Variants in MKLN1 observed in about 807,000 individuals in gnomAD.
MKLN1 encodes the protein muskelin 1.
MKLN1 carries 18 observed loss-of-function variants against 99.0 expected under a neutral mutation model. That is an observed-to-expected ratio of 0.18 (90% CI 0.13 to 0.27). The LOEUF is 0.27. Among genes scored for constraint, MKLN1 ranks in the 10% least tolerant of loss-of-function variants. The pLI is 1.00. For missense variants in MKLN1, 621 were observed against 875.9 expected, an observed-to-expected ratio of 0.71 and a Z score of 3.67; for synonymous variants, 288 against 293.2, an observed-to-expected ratio of 0.98 and a Z score of 0.18.
intron 1 of MKLN1, among the ~76,000 whole-genome samples, chr7:131,359,388 T>TTACATTAC (rs1799964605): frequency 2.6e-5 from 4 of 152,216 alleles, no homozygotes; most frequent in African/African-American, 9.6e-5. Flanking sequence ...TTCAACTCTT[T>TTACATTAC]TACATTACTA....
chr7:131,271,817 G>A (rs1474005815), intron 3 of MKLN1, among the ~76,000 whole-genome samples: 1 of 151,856 alleles, frequency 6.6e-6, no homozygotes, highest in Non-Finnish European at 1.5e-5. Flanking sequence ...GCTGAGGCAG[G>A]AGAATCACTT....
intron 1 of MKLN1, among the ~76,000 whole-genome samples, chr7:131,115,714 C>G (rs1480935143): frequency 1.3e-5 from 2 of 152,142 alleles, no homozygotes; most frequent in Admixed American, 1.3e-4. Context: ...AGCCTTATTT[C>G]TCTTCCTCAA....
chr7:131,281,950 G>A (rs1421774057), intron 3 of MKLN1, among the ~76,000 whole-genome samples: 8 of 152,016 alleles, frequency 5.3e-5, no homozygotes, highest in Admixed American at 5.2e-4. Flanking sequence ...TGGGATTACA[G>A]CCACCATGCC....
chr7:131,411,906 C>CAAAAAAAAAAAAAAAAAAAAAAAAAAAA lies in MKLN1; in HGVS notation c.781+527_781+554dup, dbSNP rs34182914. 2.1e-4 allele frequency among the ~76,000 whole-genome samples: 11 copies of CAAAAAAAAAAAAAAAAAAAAAAAAAAAA among 53,106 alleles called. 1 individual carries two copies. Among genetic ancestry groups the CAAAAAAAAAAAAAAAAAAAAAAAAAAAA allele is most frequent in the East Asian group, 1.7e-3 (2 of 1,184 alleles). The allele number at this position is 53,106 out of a possible 152,430, so 34.8% of individuals were successfully genotyped here. A position where few individuals can be genotyped will look rare whatever the true frequency, so the allele number is the denominator to read the frequency against. On this transcript the variant is annotated intron_variant, in intron 7 of 17. Transcript: ENST00000352689. The stretch of plus-strand genomic sequence containing the variant: ...TGGGAGACAGATGGAGATTCCATCT[C>CAAAAAAAAAAAAAAAAAAAAAAAAAAAA]AAAAAAAAAAAAAAAAAAAAAAAAA...
chr7:131,288,503 A>G (rs576245450), intron 3 of MKLN1, among the ~76,000 whole-genome samples: 79 of 152,314 alleles, frequency 5.2e-4, no homozygotes, highest in African/African-American at 1.9e-3. Context: ...CTTGAGTGAT[A>G]GAGATTCCAA....
chr7:131,411,933 A>AAAAAAAAAAAAAAAAAAAAAAAAAAAAC (rs1168170305), intron 7 of MKLN1, among the ~76,000 whole-genome samples: 1 of 144,140 alleles, frequency 6.9e-6, no homozygotes, highest in East Asian at 2.1e-4. Context: ...AAAAAAAAAA[A>AAAAAAAAAAAAAAAAAAAAAAAAAAAAC]AAAATTAGCC....
At chr7:131,225,518 G>A (rs1452655245) in intron 3 of MKLN1, among the ~76,000 whole-genome samples, 1 of 152,166 alleles carries the variant, frequency 6.6e-6, no homozygotes, top group East Asian at 1.9e-4. Context: ...TAATGTCAGT[G>A]TCAGGTCCAT....
rs1262477776 is a variant in MKLN1 at position 131,494,069 on chromosome 7, T to C, written c.*6341T>C. ...GGTTTTATTTTCTAGCCCTTTAACA[T>C]AGGAGGAAAATTGTCATTTCATGTA... On this transcript the variant is annotated 3_prime_UTR_variant, in exon 18 of 18. Coordinates refer to ENST00000352689, the MANE Select transcript of MKLN1 (RefSeq NM_013255.5). 2 of 152,224 alleles carry C rather than the reference T, an allele frequency of 1.3e-5. No homozygotes were observed. The highest frequency in any genetic ancestry group is 2.4e-5 in the African/African-American group (1 of 41,450). 9.4% of individuals were successfully genotyped at this position (152,224 alleles called of 1,614,324 possible).
At chr7:131,146,879 G>C (rs1795821200) in intron 2 of MKLN1, among the ~76,000 whole-genome samples, 1 of 152,204 alleles carries the variant, frequency 6.6e-6, no homozygotes, top group African/African-American at 2.4e-5. Context: ...TGGAGGATGT[G>C]CTGTCAGTGG....
intron 3 of MKLN1, among the ~76,000 whole-genome samples, chr7:131,243,569 T>A (rs1332712882): frequency 6.6e-6 from 1 of 152,186 alleles, no homozygotes; most frequent in Non-Finnish European, 1.5e-5. Context: ...GTTAATAATG[T>A]TACAAAACAC....
At chr7:131,196,906 C>T (rs1796654986) in intron 2 of MKLN1, among the ~76,000 whole-genome samples, 2 of 152,168 alleles carry the variant, frequency 1.3e-5, no homozygotes, top group Admixed American at 1.3e-4. Context: ...ATACACCCCT[C>T]TCCCTGGTCA....
At chr7:131,463,956 A>G (rs551523941) in intron 13 of MKLN1, among the ~76,000 whole-genome samples, 2 of 152,348 alleles carry the variant, frequency 1.3e-5, no homozygotes, top group African/African-American at 4.8e-5. Flanking sequence ...ACATTTATTT[A>G]CAGTCAAATG....
intron 1 of MKLN1, among the ~76,000 whole-genome samples, chr7:131,342,268 C>CA (rs1306947164): frequency 6.6e-6 from 1 of 151,952 alleles, no homozygotes; most frequent in East Asian, 1.9e-4. Flanking sequence ...TGCTTGACTT[C>CA]AAATGTATTA....
chr7:131,384,324 A>T (rs563588366), intron 2 of MKLN1, among the ~76,000 whole-genome samples: 2 of 150,424 alleles, frequency 1.3e-5, no homozygotes, highest in African/African-American at 4.9e-5. Flanking sequence ...AGGTGAGAGC[A>T]TCTTTGATTA....
intron 10 of MKLN1, among the ~76,000 whole-genome samples, chr7:131,438,349 G>A (rs1795733570): frequency 6.6e-6 from 1 of 151,462 alleles, no homozygotes; most frequent in African/African-American, 2.4e-5. Flanking sequence ...CTACATTCCT[G>A]TGAGAAATGG....
chr7:131,175,105 A>G (rs1796276340), intron 2 of MKLN1, among the ~76,000 whole-genome samples: 1 of 151,528 alleles, frequency 6.6e-6, no homozygotes, highest in African/African-American at 2.4e-5. Context: ...GGGTGGGTGG[A>G]TGGATGGATG....
intron 3 of MKLN1, among the ~76,000 whole-genome samples, chr7:131,269,406 C>G (rs1218640192): frequency 1.3e-5 from 2 of 152,164 alleles, no homozygotes; most frequent in African/African-American, 4.8e-5. Flanking sequence ...AACGGGCAAG[C>G]TAGCTCTCTG....
At chr7:131,419,756 A>AGTGG (rs971489772) in intron 8 of MKLN1, among the ~76,000 whole-genome samples, 2 of 151,946 alleles carry the variant, frequency 1.3e-5, no homozygotes, top group African/African-American at 4.8e-5. Flanking sequence ...TGAGAAAGAG[A>AGTGG]GTGGGAAGAG....
intron 2 of MKLN1, among the ~76,000 whole-genome samples, chr7:131,199,739 G>C (rs528877312): frequency 1.3e-5 from 2 of 152,324 alleles, no homozygotes; most frequent in South Asian, 2.1e-4. Flanking sequence ...TATCACCCAG[G>C]CTGGAGTACA....
Sources: allele counts gnomAD v4.1 joint callset (sites outside exome capture counted in the v4.1 genomes callset), GRCh38; gene constraint gnomAD v4.1.1; transcripts MANE v1.5; gene names NCBI Gene and HGNC (gene_info 2026-07-23, HGNC 2026-07-21).